The following LOXHD1 variants were observed in gnomAD, a reference collection of about 807,000 sequenced individuals.
LOXHD1 encodes the protein lipoxygenase homology domain-containing protein 1.
Under a neutral mutation model 248.2 loss-of-function variants are expected in LOXHD1, and 205 were observed. The observed-to-expected ratio is 0.83, with a 90% CI of 0.74 to 0.93. The LOEUF (loss-of-function observed/expected upper bound fraction) is 0.93, where lower values mean the gene tolerates loss of function less well. Among genes scored for constraint, LOXHD1 ranks in the 40% least tolerant of loss-of-function variants. The pLI, the probability that LOXHD1 is intolerant of heterozygous loss-of-function variation, is 0.00. For synonymous variants in LOXHD1, 1,113 were observed against 1,162.8 expected (o/e 0.96, Z 0.87); for missense variants, 2,930 against 2,971.6 (o/e 0.99, Z 0.33).
At chr18:46,552,616 C>T (rs971282593) in intron 21 of LOXHD1, among the ~76,000 whole-genome samples, 1 of 152,146 alleles carries the variant, frequency 6.6e-6, no homozygotes, top group Admixed American at 6.6e-5. Context: ...CGCAGGGAGC[C>T]AAGGCCTCCA....
At position 46,522,128 on chromosome 18, in the gene LOXHD1, C is replaced by G; in HGVS notation, c.5058G>C (p.Leu1686Phe). 1 of 1,551,186 alleles carries G rather than the reference C, an allele frequency of 6.4e-7. No homozygotes were observed. The highest frequency in any genetic ancestry group is 8.7e-7 in the Non-Finnish European group (1 of 1,146,808). ...GSVEEFYVAG[L>F]DVGIIKKIEL... The stretch of plus-strand genomic sequence containing the variant: ...CTATTTTCTTGATGATGCCCACATC[C>G]AAGCCTGCGACGTAGAACTCCTCCA... The change falls in exon 32 of 41, where the codon TTG becomes TTC. Residue 1686 changes from leucine (L) to phenylalanine (F), a missense_variant. Coordinates refer to ENST00000642948, the MANE Select transcript of LOXHD1 (RefSeq NM_001384474.1).
chr18:46,654,900 C>T (rs73431187), intron 1 of LOXHD1, among the ~76,000 whole-genome samples: 3,183 of 152,292 alleles, frequency 0.021, 111 homozygotes, highest in African/African-American at 0.073. Context: ...TTACCACAGT[C>T]AAAATCGGGC....
intron 14 of LOXHD1, among the ~76,000 whole-genome samples, chr18:46,573,892 C>T (rs2037804319): frequency 6.6e-6 from 1 of 152,128 alleles, no homozygotes; most frequent in South Asian, 2.1e-4. Context: ...TTGGAGACTC[C>T]AAGACATGAG....
chr18:46,550,436 G>A (rs912457233), intron 21 of LOXHD1, among the ~76,000 whole-genome samples: 18 of 151,578 alleles, frequency 1.2e-4, no homozygotes, highest in East Asian at 9.7e-4. Flanking sequence ...AGCCGGGCGC[G>A]GTGGCGGGCG....
intron 21 of LOXHD1, among the ~76,000 whole-genome samples, chr18:46,553,826 C>G (rs938367677): frequency 8.5e-5 from 13 of 152,192 alleles, no homozygotes; most frequent in Non-Finnish European, 1.6e-4. Flanking sequence ...GACATTTGAG[C>G]AGAGGCCTGC....
At chr18:46,650,270 T>C (rs1277919037) in intron 1 of LOXHD1, among the ~76,000 whole-genome samples, 1 of 152,162 alleles carries the variant, frequency 6.6e-6, no homozygotes, top group Non-Finnish European at 1.5e-5. Flanking sequence ...AAGGTACATG[T>C]CTGTACCAAA....
chr18:46,572,349 T>C (rs904538101), intron 14 of LOXHD1, among the ~76,000 whole-genome samples, 187 bp from the exon 15 acceptor site: 1 of 151,936 alleles, frequency 6.6e-6, no homozygotes, highest in Non-Finnish European at 1.5e-5. Context: ...CCGGAGGCAG[T>C]GGTGTTTGGC....
chr18:46,505,346 A>G (rs1229769951), intron 37 of LOXHD1, among the ~76,000 whole-genome samples: 1 of 151,916 alleles, frequency 6.6e-6, no homozygotes, highest in South Asian at 2.1e-4. Context: ...ATGCCCAGCT[A>G]TTCTTTTTTA....
At chr18:46,627,622 G>A (rs2038760785) in intron 4 of LOXHD1, among the ~76,000 whole-genome samples, 1 of 152,130 alleles carries the variant, frequency 6.6e-6, no homozygotes, top group Admixed American at 6.5e-5. Flanking sequence ...CTGCTGGGTT[G>A]AAAGAGAATG....
chr18:46,524,472 C>G lies in LOXHD1; in HGVS notation c.4870G>C (p.Gly1624Arg), dbSNP rs964329351. 4.5e-6 allele frequency: 7 copies of G among 1,549,586 alleles called. No homozygotes were observed. The African/African-American group carries it at 9.6e-5, about 21-fold the overall frequency. ...TGPMADYVQE[G>R]PIIPYYVSVT... ...AGCTCCCTGGTTGGCTTACTTGGGCCCTCTTGAACGTAGTCAGCCATGGGC... is the reference window on the plus strand; with the variant it reads ...AGCTCCCTGGTTGGCTTACTTGGGCGCTCTTGAACGTAGTCAGCCATGGGC... The change falls in exon 31 of 41, where the codon GGC (glycine) becomes CGC (arginine). Residue 1624 changes from glycine to arginine, a missense_variant. By Grantham distance (125) the Gly-to-Arg change is moderately radical (BLOSUM62 -2). Transcript: ENST00000642948.
chr18:46,604,105 C>T lies in LOXHD1; in HGVS notation c.883+1G>A. 1.3e-6 allele frequency: 2 copies of T among 1,551,728 alleles called. No individual in the cohort carries two copies. The highest frequency in any genetic ancestry group is 2.4e-5 in the East Asian group (1 of 40,928). On this transcript the variant is annotated splice_donor_variant, in intron 7 of 40. Transcript: ENST00000642948. LOFTEE classifies it high-confidence loss of function. ...AGAGCCTCCCCTTTCTTCAAATCTACCTGTGGTCTCAGCTCCGCCCACTAA... is the reference window on the plus strand; with the variant it reads ...AGAGCCTCCCCTTTCTTCAAATCTATCTGTGGTCTCAGCTCCGCCCACTAA...
chr18:46,594,262 T>C (rs1764256693), intron 9 of LOXHD1, 69 bp downstream of exon 9: 1 of 1,538,892 alleles, frequency 6.5e-7, no homozygotes, highest in Admixed American at 2.0e-5. Flanking sequence ...TTTTGCCTAG[T>C]GGTCTGACAT....
rs1204948881 is a variant in LOXHD1, at chr18:46,541,758, G to T, written c.3913+18C>A. ...GGGGCCCCAGAGAAGGGCTGGCCTT[G>T]CCGTGTGTGGTTCCTACATGGTGTG... is the stretch of plus-strand genomic sequence containing the variant. On this transcript the variant is annotated intron_variant, in intron 25 of 40. Transcript: ENST00000642948. 4.5e-6 allele frequency: 7 copies of T among 1,551,462 alleles called. No homozygotes were observed. Among genetic ancestry groups the T allele is most frequent in the Non-Finnish European group, 6.1e-6 (7 of 1,146,936 alleles).
intron 12 of LOXHD1, among the ~76,000 whole-genome samples, chr18:46,584,532 T>C (rs867146617): frequency 1.7e-4 from 26 of 152,116 alleles, no homozygotes; most frequent in African/African-American, 6.0e-4. Flanking sequence ...CCATTAAAAA[T>C]AAAATTCCAA....
In LOXHD1 at chr18:46,557,499, G is replaced by C; in HGVS notation, c.3217-10C>G. ...TGGTGAAGGTGTCTGTCTGGGAAGG[G>C]CCAGGGAACACTCAGTGGGGTAAGA... On this transcript the variant is annotated splice_polypyrimidine_tract_variant and intron_variant, in intron 20 of 40. Transcript: ENST00000642948. 6.4e-7 allele frequency: 1 copy of C among 1,551,800 alleles called. No homozygotes were observed. Among genetic ancestry groups the C allele is most frequent in the South Asian group, 1.2e-5 (1 of 84,056 alleles).
chr18:46,524,940 C>A, intron 29 of LOXHD1, 23 bp from the exon 30 acceptor site: 1 of 1,551,244 alleles, frequency 6.4e-7, no homozygotes, highest in South Asian at 1.2e-5. Flanking sequence ...GATGTGGGGA[C>A]TCATATGGGG....
rs1314869344 is a variant in LOXHD1 at position 46,572,163 on chromosome 18, C to T, written c.1971-1G>A. The T allele has an allele frequency of 6.4e-7, 1 of 1,551,794 alleles. No individual in the cohort carries two copies. Among genetic ancestry groups the T allele is most frequent in the Non-Finnish European group, 8.7e-7 (1 of 1,146,978 alleles). ...ATCATCCTTATCCTTGTCCAACCAC[C>T]TGGTGGGCAAATGGGGGAATGTTAG... On this transcript the variant is annotated splice_acceptor_variant, in intron 14 of 40. Transcript: ENST00000642948. LOFTEE classifies it high-confidence loss of function.
At chr18:46,581,642 A>G (rs1405225526) in intron 12 of LOXHD1, among the ~76,000 whole-genome samples, 2 of 152,192 alleles carry the variant, frequency 1.3e-5, no homozygotes, top group Non-Finnish European at 2.9e-5. Context: ...TGAACAAATA[A>G]TGGTCAAAAC....
chr18:46,539,308 A>C lies in LOXHD1; in HGVS notation c.3914-971T>G, dbSNP rs549200016. 2.5e-4 allele frequency among the ~76,000 whole-genome samples: 38 copies of C among 152,272 alleles called. No individual in the cohort carries two copies. The South Asian group carries it at 6.2e-3, about 25-fold the overall frequency. On this transcript the variant is annotated intron_variant, in intron 25 of 40. Coordinates refer to ENST00000642948, the MANE Select transcript of LOXHD1 (RefSeq NM_001384474.1). The stretch of plus-strand genomic sequence containing the variant: ...AAACCCTGTTTCTACTAAAAATATA[A>C]AAGTTAGCTGGACGTGGCGGTGGGT...
Sources: allele counts gnomAD v4.1 joint callset (sites outside exome capture counted in the v4.1 genomes callset), GRCh38; gene constraint gnomAD v4.1.1; transcripts MANE v1.5; gene names NCBI Gene and HGNC (gene_info 2026-07-23, HGNC 2026-07-21).